The following GRIK4 variants were observed in gnomAD, a reference collection of about 807,000 sequenced individuals.
The protein encoded by GRIK4 is glutamate ionotropic receptor kainate type subunit 4, also known as glutamate receptor ionotropic, kainate 4.
Under a neutral mutation model 104.9 loss-of-function variants are expected in GRIK4, and 40 were observed. That is an observed-to-expected ratio of 0.38 (90% CI 0.30 to 0.50). The LOEUF (loss-of-function observed/expected upper bound fraction) is 0.50, where lower values mean the gene tolerates loss of function less well. Ranked by LOEUF, GRIK4 falls within the 20% of genes least tolerant of loss-of-function variation. GRIK4 has a pLI of 0.93. For synonymous variants in GRIK4, 485 were observed against 524.9 expected (o/e 0.92, Z 1.04); for missense variants, 1,047 against 1,308.1 (o/e 0.80, Z 3.08).
In GRIK4 at chr11:120,819,933, A is replaced by T; in HGVS notation, c.511+13A>T. 6.2e-7 allele frequency: 1 copy of T among 1,612,770 alleles called. No homozygotes were observed. Among genetic ancestry groups the T allele is most frequent in the African/African-American group, 1.3e-5 (1 of 74,988 alleles). ...GCCAAAGCAGAATGTAAGTTTCCCC[A>T]GGCTGGCTCTGCCCCAGACAGTCCA... On this transcript the variant is annotated intron_variant, in intron 6 of 20. Transcript: ENST00000527524. The surrounding 1 kb of genome is among the most constrained non-coding windows in gnomAD (Gnocchi z 4.3).
intron 1 of GRIK4, among the ~76,000 whole-genome samples, chr11:120,573,059 A>G (rs755408948): frequency 6.6e-6 from 1 of 152,040 alleles, no homozygotes; most frequent in Non-Finnish European, 1.5e-5. Flanking sequence ...AGGTATTTAA[A>G]ATGTGTTTAA....
intron 10 of GRIK4, 66 bp downstream of exon 10, chr11:120,874,284 G>A (rs1954706487): frequency 2.3e-6 from 3 of 1,311,896 alleles, no homozygotes; most frequent in Admixed American, 1.9e-5. Flanking sequence ...TTGGTTCAAG[G>A]TACAAGAGTC....
intron 3 of GRIK4, among the ~76,000 whole-genome samples, chr11:120,661,392 G>C (rs1247714128): frequency 4.6e-5 from 7 of 152,146 alleles, no homozygotes; most frequent in Non-Finnish European, 7.4e-5. Flanking sequence ...CAAATACCAG[G>C]CAGGTTACCC....
intron 11 of GRIK4, among the ~76,000 whole-genome samples, chr11:120,877,853 G>A (rs1186380377): frequency 6.6e-6 from 1 of 152,182 alleles, no homozygotes; most frequent in Non-Finnish European, 1.5e-5. Flanking sequence ...CCTCAGTCCT[G>A]CTTTGTGAGT....
chr11:120,608,859 C>T (rs937708887), intron 1 of GRIK4, among the ~76,000 whole-genome samples: 14 of 152,128 alleles, frequency 9.2e-5, no homozygotes, highest in African/African-American at 2.4e-4. Context: ...GGCTGGCTGG[C>T]GGCCTGTGGA....
chr11:120,602,870 T>A (rs924996735), intron 1 of GRIK4, among the ~76,000 whole-genome samples: 5 of 152,106 alleles, frequency 3.3e-5, no homozygotes, highest in Non-Finnish European at 7.4e-5. Flanking sequence ...GCCTGGCTAA[T>A]TTTTTTATGT....
At chr11:120,946,854 G>A (rs1333495970) in intron 14 of GRIK4, among the ~76,000 whole-genome samples, 4 of 152,058 alleles carry the variant, frequency 2.6e-5, no homozygotes, top group South Asian at 2.1e-4. Flanking sequence ...CAGTGTCAAC[G>A]CTATTCTTTA....
chr11:120,686,794 G>A (rs1411390849), intron 3 of GRIK4, among the ~76,000 whole-genome samples: 2 of 152,228 alleles, frequency 1.3e-5, no homozygotes, highest in African/African-American at 4.8e-5. Context: ...CACCACCTGG[G>A]AAACTGAAGG....
At chr11:120,684,918 C>T (rs1056790291) in intron 3 of GRIK4, among the ~76,000 whole-genome samples, 1 of 152,144 alleles carries the variant, frequency 6.6e-6, no homozygotes, top group African/African-American at 2.4e-5. Flanking sequence ...ACTGTGGTCT[C>T]GATCTCCTGA....
At chr11:120,817,621 C>A (rs1952995041) in intron 5 of GRIK4, among the ~76,000 whole-genome samples, 2 of 152,184 alleles carry the variant, frequency 1.3e-5, no homozygotes, top group African/African-American at 2.4e-5. Context: ...CTCTTCTTGT[C>A]CCCCACACAC....
chr11:120,905,249 A>G lies in GRIK4; in HGVS notation c.1273-41A>G, dbSNP rs1286513402. 1 of 1,444,852 alleles carries G rather than the reference A, an allele frequency of 6.9e-7. No homozygotes were observed. The highest frequency in any genetic ancestry group is 1.7e-5 in the Admixed American group (1 of 59,814). The allele number at this position is 1,444,852 out of a possible 1,614,324, so 89.5% of individuals were successfully genotyped here. A position where few individuals can be genotyped will look rare whatever the true frequency, so the allele number is the denominator to read the frequency against. On this transcript the variant is annotated intron_variant, in intron 12 of 20. Coordinates refer to ENST00000527524, the MANE Select transcript of GRIK4 (RefSeq NM_014619.5). The surrounding 1 kb of genome is among the most constrained non-coding windows in gnomAD (Gnocchi z 5.1). ...CCCCATCACACGCGGGTGAGACACC[A>G]GGGCTAAGATGAGAATGACAGCTGC... is the stretch of plus-strand genomic sequence containing the variant.
At chr11:120,649,497 G>A (rs1949589830) in intron 1 of GRIK4, among the ~76,000 whole-genome samples, 2 of 152,174 alleles carry the variant, frequency 1.3e-5, no homozygotes, top group African/African-American at 4.8e-5. Flanking sequence ...CTTCCTCTTT[G>A]TCACGAACAG....
At chr11:120,947,697 G>T (rs1943895870) in intron 14 of GRIK4, among the ~76,000 whole-genome samples, 1 of 152,186 alleles carries the variant, frequency 6.6e-6, no homozygotes, top group East Asian at 1.9e-4. Flanking sequence ...TTTATTGAGT[G>T]CCTCTCTCTG....
chr11:120,526,432 A>G (rs1039900815), intron 1 of GRIK4, among the ~76,000 whole-genome samples: 2 of 152,192 alleles, frequency 1.3e-5, no homozygotes, highest in Non-Finnish European at 2.9e-5. Flanking sequence ...TTCTGGGCTC[A>G]AGCGATCCTC....
At chr11:120,954,399 G>A (rs1343769320) in intron 15 of GRIK4, among the ~76,000 whole-genome samples, 1 of 151,708 alleles carries the variant, frequency 6.6e-6, no homozygotes, top group Non-Finnish European at 1.5e-5. Context: ...CGGCCTGCGA[G>A]ATGGGGAGCT....
intron 19 of GRIK4, among the ~76,000 whole-genome samples, chr11:120,970,173 T>A (rs894948950): frequency 6.6e-6 from 1 of 152,218 alleles, no homozygotes; most frequent in Non-Finnish European, 1.5e-5. Flanking sequence ...CTTGGAGTTA[T>A]TTCCCAAATA....
intron 1 of GRIK4, among the ~76,000 whole-genome samples, chr11:120,606,134 C>T (rs916745582): frequency 1.3e-5 from 2 of 152,182 alleles, no homozygotes; most frequent in East Asian, 1.9e-4. Context: ...ATATTAAATA[C>T]GTCCATTTAT....
rs996466091 is a variant in GRIK4 at position 120,819,538 on chromosome 11, C to G, written c.346-217C>G. On this transcript the variant is annotated intron_variant, in intron 5 of 20. Coordinates refer to ENST00000527524, the MANE Select transcript of GRIK4 (RefSeq NM_014619.5). This position sits in a 1 kb window ranked among gnomAD's most constrained non-coding sequence, Gnocchi z 4.3. ...TCCGGGTCTCTGGACAAATAGTTTT[C>G]TGTCCTGGGGCTGCTTCTTTGAAGC... Among the ~76,000 whole-genome samples the G allele has an allele frequency of 1.4e-4, 21 of 152,214 alleles. No individual in the cohort carries two copies. The highest frequency in any genetic ancestry group is 4.1e-4 in the African/African-American group (17 of 41,464).
chr11:120,759,044 G>A (rs1951699748), intron 3 of GRIK4, among the ~76,000 whole-genome samples: 1 of 152,152 alleles, frequency 6.6e-6, no homozygotes, highest in Non-Finnish European at 1.5e-5. Flanking sequence ...GGGTACTGTG[G>A]ACAGGGATGG....
Sources: allele counts gnomAD v4.1 joint callset (sites outside exome capture counted in the v4.1 genomes callset), GRCh38; gene constraint gnomAD v4.1.1; non-coding constraint Gnocchi (gnomAD v3.1); transcripts MANE v1.5; gene names NCBI Gene and HGNC (gene_info 2026-07-23, HGNC 2026-07-21).